Variants in MPHOSPH9 observed in about 807,000 individuals in gnomAD.
The protein encoded by MPHOSPH9 is M-phase phosphoprotein 9.
A neutral mutation model predicts 145.5 loss-of-function variants in MPHOSPH9; 88 were observed. The ratio of observed to expected loss-of-function variants is 0.60; its 90% confidence interval spans 0.51 to 0.72. MPHOSPH9 has a LOEUF of 0.72. Ranked by LOEUF, MPHOSPH9 falls within the 30% of genes least tolerant of loss-of-function variation. The probability of loss-of-function intolerance (pLI) is 0.00; values close to 1 mark genes in which losing one functional copy is unlikely to be tolerated. For missense variants in MPHOSPH9, 1,238 were observed against 1,386.6 expected (o/e 0.89, Z 1.70); for synonymous variants, 435 against 486.2 (o/e 0.89, Z 1.39).
At chr12:123,216,587 A>G (rs898504057) in intron 6 of MPHOSPH9, among the ~76,000 whole-genome samples, 5 of 152,192 alleles carry the variant, frequency 3.3e-5, no homozygotes, top group African/African-American at 7.2e-5. Context: ...ACAGTGGCTC[A>G]TGCTTGTAAT....
At chr12:123,172,230 T>C (rs1357558843) in intron 16 of MPHOSPH9, among the ~76,000 whole-genome samples, 3 of 152,242 alleles carry the variant, frequency 2.0e-5, no homozygotes, top group Middle Eastern at 3.2e-3. Context: ...TACTCCACTT[T>C]GCTGTTGCAC....
chr12:123,206,223 A>C (rs762283778), intron 8 of MPHOSPH9, among the ~76,000 whole-genome samples: 14 of 150,746 alleles, frequency 9.3e-5, no homozygotes, highest in Non-Finnish European at 1.6e-4. Context: ...CTGAGGCAGG[A>C]GGATTGCTTG....
At chr12:123,228,845 T>A (rs1009975691) in intron 2 of MPHOSPH9, among the ~76,000 whole-genome samples, 3 of 152,222 alleles carry the variant, frequency 2.0e-5, no homozygotes, top group African/African-American at 7.2e-5. Context: ...GTTAGCTTCC[T>A]CCAGCCAAAT....
At chr12:123,166,413 C>T (rs984590616) in intron 17 of MPHOSPH9, 7 of 490,478 alleles carry the variant, frequency 1.4e-5, no homozygotes, top group South Asian at 4.8e-5. Flanking sequence ...GCCTGAGGAT[C>T]GACATCCTAT....
chr12:123,161,058 G>T, intron 22 of MPHOSPH9, 78 bp downstream of exon 22: 2 of 1,523,800 alleles, frequency 1.3e-6, no homozygotes, highest in Non-Finnish European at 8.9e-7. Context: ...AGACAGGTTT[G>T]ACTCAATAAT....
intron 8 of MPHOSPH9, among the ~76,000 whole-genome samples, chr12:123,208,209 A>AT (rs1365579611): frequency 1.1e-5 from 1 of 89,904 alleles, no homozygotes; most frequent in African/African-American, 4.0e-5. Flanking sequence ...AAAAAAAAAA[A>AT]TTTTTTTTTT....
chr12:123,227,161 C>A (rs946306433), intron 3 of MPHOSPH9, among the ~76,000 whole-genome samples: 2 of 152,174 alleles, frequency 1.3e-5, no homozygotes, highest in Admixed American at 1.3e-4. Context: ...GACAACATTA[C>A]AATTAGTAAC....
At chr12:123,185,366 C>T (rs2045397328) in intron 13 of MPHOSPH9, among the ~76,000 whole-genome samples, 2 of 150,814 alleles carry the variant, frequency 1.3e-5, no homozygotes, top group South Asian at 4.2e-4. Context: ...TTTCGGCATA[C>T]CAAGGATAAA....
intron 3 of MPHOSPH9, among the ~76,000 whole-genome samples, chr12:123,225,823 G>A (rs2047417394): frequency 6.6e-6 from 1 of 152,104 alleles, no homozygotes; most frequent in African/African-American, 2.4e-5. Flanking sequence ...ATTACCTGAG[G>A]TCAGGAGTTC....
chr12:123,164,956 C>T (rs2044249823), intron 18 of MPHOSPH9, among the ~76,000 whole-genome samples: 1 of 135,412 alleles, frequency 7.4e-6, no homozygotes, highest in East Asian at 2.2e-4. Flanking sequence ...TTGCAGTGAG[C>T]TGAGATTACG....
intron 13 of MPHOSPH9, among the ~76,000 whole-genome samples, chr12:123,187,205 A>G (rs994154136): frequency 6.6e-6 from 1 of 152,152 alleles, no homozygotes; most frequent in Non-Finnish European, 1.5e-5. Flanking sequence ...AGGCCGCAGT[A>G]GCCAAGATTG....
At chr12:123,206,862 C>T (rs1467198318) in intron 8 of MPHOSPH9, among the ~76,000 whole-genome samples, 1 of 149,694 alleles carries the variant, frequency 6.7e-6, no homozygotes, top group African/African-American at 2.5e-5. Flanking sequence ...TGCAGTGAGC[C>T]GAGATCACAC....
At chr12:123,212,176 T>C (rs1198274120) in intron 7 of MPHOSPH9, among the ~76,000 whole-genome samples, 1 of 151,846 alleles carries the variant, frequency 6.6e-6, no homozygotes, top group Non-Finnish European at 1.5e-5. Flanking sequence ...AAAGGGGATA[T>C]GTAGTGGGGG....
At chr12:123,213,885 A>G (rs868626166) in intron 7 of MPHOSPH9, among the ~76,000 whole-genome samples, 1 of 152,098 alleles carries the variant, frequency 6.6e-6, no homozygotes, top group African/African-American at 2.4e-5. Flanking sequence ...AGTGTGCAAG[A>G]GTGGAAGTGG....
intron 13 of MPHOSPH9, among the ~76,000 whole-genome samples, chr12:123,191,213 CAAGAGGCTGAGGCAGGAGAA>C (rs2045663171): frequency 6.6e-6 from 1 of 152,052 alleles, no homozygotes; most frequent in African/African-American, 2.4e-5. Flanking sequence ...CCCAGCTACT[CAAGAGGCTGAGGCAGGAGAA>C]TCACTTGAAC....
At chr12:123,197,790 GA>G (rs374288592) in intron 12 of MPHOSPH9, among the ~76,000 whole-genome samples, 7,851 of 80,062 alleles carry the variant, frequency 0.098, 327 homozygotes, top group East Asian at 0.37. Context: ...TCAAAAAAAA[GA>G]AAAAAAAAAA....
intron 16 of MPHOSPH9, among the ~76,000 whole-genome samples, chr12:123,169,461 T>C (rs2044479345): frequency 1.3e-5 from 2 of 149,504 alleles, no homozygotes; most frequent in Admixed American, 6.7e-5. Context: ...ATTGCACCAC[T>C]GCACTTCAGC....
chr12:123,189,180 A>C (rs542777107), intron 13 of MPHOSPH9, among the ~76,000 whole-genome samples: 1 of 152,280 alleles, frequency 6.6e-6, no homozygotes, highest in Non-Finnish European at 1.5e-5. Flanking sequence ...ACCCAACCTA[A>C]CCACATAGAG....
chr12:123,236,969 C>CA (rs1471103804), upstream of MPHOSPH9, among the ~76,000 whole-genome samples: 1 of 152,128 alleles, frequency 6.6e-6, no homozygotes, highest in East Asian at 1.9e-4. Flanking sequence ...CCTGTAGTCC[C>CA]AGCTACTTGG....
Sources: allele counts gnomAD v4.1 joint callset (sites outside exome capture counted in the v4.1 genomes callset), GRCh38; gene constraint gnomAD v4.1.1; transcripts MANE v1.5; gene names NCBI Gene and HGNC (gene_info 2026-07-23, HGNC 2026-07-21).